Variants in CNGB1 observed in about 807,000 individuals in gnomAD.
CNGB1 encodes the protein cyclic nucleotide-gated channel beta-1.
In CNGB1, 126 loss-of-function variants were observed where a neutral mutation model predicts 151.7. That is an observed-to-expected ratio of 0.83 (90% CI 0.72 to 0.96). The LOEUF (loss-of-function observed/expected upper bound fraction) is 0.96. Among genes scored for constraint, CNGB1 ranks in the 40% least tolerant of loss-of-function variants. The pLI is 0.00. For synonymous variants in CNGB1, 623 were observed against 635.1 expected (o/e 0.98, Z 0.29); for missense variants, 1,698 against 1,627.0 (o/e 1.04, Z -0.75).
intron 24 of CNGB1, 130 bp downstream of exon 24, chr16:57,912,800 T>G: frequency 5.5e-6 from 5 of 907,538 alleles, no homozygotes; most frequent in Non-Finnish European, 8.8e-6. Context: ...TGTGTGTATG[T>G]TGTGTGTGTG....
chr16:57,922,279 G>T (rs538609104), intron 18 of CNGB1, among the ~76,000 whole-genome samples: 25 of 152,264 alleles, frequency 1.6e-4, no homozygotes, highest in African/African-American at 5.5e-4. Flanking sequence ...TCCAGGCAGA[G>T]CCCAGGGCCC....
Position 57,959,936 on chromosome 16 carries a change from C to T in CNGB1, c.713G>A (p.Gly238Asp), listed in dbSNP as rs201703193. Residue 238 changes from glycine to aspartate, a missense_variant, in exon 10 of 33, where the codon GGC (glycine) becomes GAC (aspartate). Gly to Asp is a moderately conservative substitution (Grantham distance 94, BLOSUM62 -1). Transcript: ENST00000251102. ...KEAPAPEPQPGSQAQTSSLPP... is the reference protein window; with the variant it reads ...KEAPAPEPQPDSQAQTSSLPP... ...CAGGGAGGAGGTCTGGGCCTGGGAGCCGGGCTGGGGCTCTGGAGCTGGTGC... is the reference window on the plus strand; with the variant it reads ...CAGGGAGGAGGTCTGGGCCTGGGAGTCGGGCTGGGGCTCTGGAGCTGGTGC... 3.1e-5 allele frequency: 49 copies of T among 1,581,190 alleles called. 1 individual carries two copies. The East Asian group carries it at 9.1e-4, about 29-fold the overall frequency.
intron 4 of CNGB1, among the ~76,000 whole-genome samples, chr16:57,963,394 C>A (rs1962310760): frequency 1.3e-5 from 2 of 152,356 alleles, no homozygotes; most frequent in South Asian, 4.1e-4. Flanking sequence ...AGAGCCCACC[C>A]TCCATGGGAT....
At chr16:57,962,723 G>C in intron 6 of CNGB1, 113 bp from the exon 7 acceptor site, 2 of 1,565,506 alleles carry the variant, frequency 1.3e-6, no homozygotes, top group East Asian at 4.5e-5. Context: ...TTCAAAGCAG[G>C]GTCAGTCAGG....
At chr16:57,954,851 C>G (rs1036845873) in intron 12 of CNGB1, 1 of 999,680 alleles carries the variant, frequency 1.0e-6, no homozygotes. Flanking sequence ...GGGCTGTGCA[C>G]GCGTCCTCTC....
At chr16:57,966,567 T>C (rs1234552485) in intron 2 of CNGB1, among the ~76,000 whole-genome samples, 3 of 152,352 alleles carry the variant, frequency 2.0e-5, no homozygotes, top group Admixed American at 6.5e-5. Context: ...GCTTCCTTCA[T>C]TGAGAAAGTC....
chr16:57,901,376 C>A lies in CNGB1; in HGVS notation c.2952G>T (p.Leu984=). The change falls in exon 29 of 33, where the codon CTG becomes CTT. Residue 984 remains leucine (L), a synonymous_variant. Coordinates refer to ENST00000251102, the MANE Select transcript of CNGB1 (RefSeq NM_001297.5). ...MLKRLRSVVY[L]PNDYVCKKGE... is the part of the protein sequence containing the mutation. Reference sequence around the variant, plus strand: ...CCTTCTTGCACACATAGTCGTTGGGCAGGTAGACAACAGAGCGAAGCCTCT... The same window carrying A: ...CCTTCTTGCACACATAGTCGTTGGGAAGGTAGACAACAGAGCGAAGCCTCT... 1 of 1,614,160 alleles carries A rather than the reference C, an allele frequency of 6.2e-7. No homozygotes were observed. Among genetic ancestry groups the A allele is most frequent in the Middle Eastern group, 1.7e-4 (1 of 6,058 alleles).
At chr16:57,934,910 T>C (rs1961463002) in intron 16 of CNGB1, among the ~76,000 whole-genome samples, 1 of 151,220 alleles carries the variant, frequency 6.6e-6, no homozygotes, top group African/African-American at 2.4e-5. Context: ...TGAGCTGAGA[T>C]TGCGCCACTG....
At chr16:57,929,513 G>A (rs1354862256) in intron 17 of CNGB1, among the ~76,000 whole-genome samples, 4 of 150,902 alleles carry the variant, frequency 2.7e-5, no homozygotes, top group Non-Finnish European at 5.9e-5. Flanking sequence ...AATTTATAAG[G>A]AAAAGAGGTT....
At chr16:57,937,891 G>A (rs1203027772) in intron 16 of CNGB1, among the ~76,000 whole-genome samples, 7 of 152,220 alleles carry the variant, frequency 4.6e-5, no homozygotes, top group Non-Finnish European at 2.9e-5. Context: ...GATGAGGCCT[G>A]GCAGCAGGAA....
In CNGB1 at chr16:57,951,314, G is replaced by A. The variant is rs1961944167; in HGVS notation, c.875-774C>T. 1.2e-4 allele frequency among the ~76,000 whole-genome samples: 18 copies of A among 152,318 alleles called. No homozygotes were observed. The South Asian group carries it at 3.5e-3, about 30-fold the overall frequency. ...ACTAGGTGTCCCCCGAAAGCTCCAG[G>A]GATCTTGGTGGACCTCAGCCAAACA... On this transcript the variant is annotated intron_variant, in intron 12 of 32. Transcript: ENST00000251102.
intron 14 of CNGB1, 72 bp from the exon 15 acceptor site, chr16:57,940,393 GA>G: frequency 1.4e-6 from 2 of 1,433,526 alleles, no homozygotes; most frequent in Non-Finnish European, 9.6e-7. Flanking sequence ...CAGCCCTGCT[GA>G]GGGCCACGCT....
rs773973583 is a variant in CNGB1, at chr16:57,949,418, C to T, written c.1056G>A (p.Glu352=). The change falls in exon 14 of 33, where the codon GAG becomes GAA. Residue 352 remains glutamate, a synonymous_variant. Coordinates refer to ENST00000251102, the MANE Select transcript of CNGB1 (RefSeq NM_001297.5). ...KMPRELSRIE[E]EKEDEEEEEE... Reference sequence around the variant, plus strand: ...CTTCCTCCTCCTCATCTTCTTTCTCCTCTTCAATCCGGGACAGCTCTCTGA... The same window carrying T: ...CTTCCTCCTCCTCATCTTCTTTCTCTTCTTCAATCCGGGACAGCTCTCTGA... The T allele has an allele frequency of 1.1e-5, 18 of 1,613,738 alleles. No individual in the cohort carries two copies. Among genetic ancestry groups the T allele is most frequent in the Non-Finnish European group, 1.5e-5 (18 of 1,180,024 alleles).
intron 4 of CNGB1, among the ~76,000 whole-genome samples, chr16:57,963,727 G>A (rs775106994): frequency 5.3e-5 from 8 of 152,258 alleles, no homozygotes; most frequent in East Asian, 1.9e-4. Flanking sequence ...AGAAACGTCC[G>A]GCCCCCTGTA....
chr16:57,948,397 C>T (rs1276841319), intron 14 of CNGB1, among the ~76,000 whole-genome samples: 1 of 151,596 alleles, frequency 6.6e-6, no homozygotes, highest in East Asian at 1.9e-4. Flanking sequence ...TCAAGTGATC[C>T]ACCCACCTCG....
At chr16:57,892,310 A>G (rs1960113848) in intron 31 of CNGB1, among the ~76,000 whole-genome samples, 1 of 152,308 alleles carries the variant, frequency 6.6e-6, no homozygotes, top group African/African-American at 2.4e-5. Flanking sequence ...TATGGAGTCC[A>G]TGAATCACAA....
intron 25 of CNGB1, among the ~76,000 whole-genome samples, chr16:57,907,406 C>A (rs554111894): frequency 2.6e-4 from 39 of 152,232 alleles, no homozygotes; most frequent in Non-Finnish European, 5.9e-5. Context: ...GTTTGTGACC[C>A]CCTAAAATCT....
intron 4 of CNGB1, 97 bp downstream of exon 4, chr16:57,964,033 G>T: frequency 9.0e-7 from 1 of 1,112,248 alleles, no homozygotes; most frequent in Non-Finnish European, 1.3e-6. Flanking sequence ...AGAGCTAAGG[G>T]CAGTGCCCAT....
chr16:57,884,486 GCA>G, intron 32 of CNGB1, 29 bp from the exon 33 acceptor site: 1 of 1,612,778 alleles, frequency 6.2e-7, no homozygotes, highest in Non-Finnish European at 8.5e-7. Context: ...GACTCGTGAG[GCA>G]CAGACTCTCG....
Sources: allele counts gnomAD v4.1 joint callset (sites outside exome capture counted in the v4.1 genomes callset), GRCh38; gene constraint gnomAD v4.1.1; transcripts MANE v1.5; gene names NCBI Gene and HGNC (gene_info 2026-07-23, HGNC 2026-07-21).